FBXO34: variants seen among roughly 807,000 people sequenced by gnomAD.
FBXO34 encodes the protein F-box protein 34, also known as F-box only protein 34.
In FBXO34, 12 loss-of-function variants were observed where a neutral mutation model predicts 24.5. The ratio of observed to expected loss-of-function variants is 0.49; its 90% CI spans 0.31 to 0.79. The LOEUF is 0.79. Among genes scored for constraint, FBXO34 ranks in the 30% least tolerant of loss-of-function variants. The pLI, the probability that FBXO34 is intolerant of heterozygous loss-of-function variation, is 0.04. For synonymous variants in FBXO34, 320 were observed against 311.9 expected, an observed-to-expected ratio of 1.03 and a Z score of -0.27; for missense variants, 823 against 857.7, an observed-to-expected ratio of 0.96 and a Z score of 0.51.
At chr14:55,364,820 T>A (rs1884645280), downstream of FBXO34, among the ~76,000 whole-genome samples, 1 of 147,864 alleles carries the variant, frequency 6.8e-6, no homozygotes, top group African/African-American at 2.5e-5. Context: ...CACTGTAGCC[T>A]CAACATCCCA....
chr14:55,320,349 A>G (rs72715794), intron 1 of FBXO34, among the ~76,000 whole-genome samples: 1,701 of 152,318 alleles, frequency 0.011, 14 homozygotes, highest in Middle Eastern at 0.027. Flanking sequence ...CTCAGCCTAG[A>G]TGGGAAAGTG....
chr14:55,302,352 C>T (rs1014814667), intron 1 of FBXO34, among the ~76,000 whole-genome samples: 3 of 151,914 alleles, frequency 2.0e-5, no homozygotes, highest in African/African-American at 4.8e-5. Flanking sequence ...TAGTTTACCT[C>T]GCCTGGTTGT....
chr14:55,318,761 C>A (rs1883027635), intron 1 of FBXO34, among the ~76,000 whole-genome samples: 1 of 152,074 alleles, frequency 6.6e-6, no homozygotes, highest in Admixed American at 6.6e-5. Context: ...AGAATTGGAA[C>A]AATTAGTATT....
chr14:55,374,611 C>T (rs1566577430), downstream of FBXO34, among the ~76,000 whole-genome samples: 1 of 152,094 alleles, frequency 6.6e-6, no homozygotes, highest in African/African-American at 2.4e-5. Flanking sequence ...CCCTCACCAC[C>T]CTATCATTAT....
the FBXO34 span, among the ~76,000 whole-genome samples, chr14:55,407,815 C>T: frequency 1.3e-5 from 2 of 152,170 alleles, no homozygotes; most frequent in African/African-American, 4.8e-5. Context: ...AGGTGGGAAC[C>T]TATCTTAGTG....
intron 1 of FBXO34, among the ~76,000 whole-genome samples, chr14:55,348,071 T>A (rs1312893645): frequency 6.6e-6 from 1 of 152,132 alleles, no homozygotes; most frequent in Non-Finnish European, 1.5e-5. Flanking sequence ...CTATACAGTA[T>A]AATGATAGAA....
At chr14:55,328,178 C>T (rs1257871456) in intron 1 of FBXO34, among the ~76,000 whole-genome samples, 4 of 151,898 alleles carry the variant, frequency 2.6e-5, no homozygotes, top group East Asian at 3.9e-4. Flanking sequence ...AGGCTGGTCT[C>T]GAACTCCTGA....
downstream of FBXO34, among the ~76,000 whole-genome samples, chr14:55,355,492 T>A (rs1884507065): frequency 6.6e-6 from 1 of 152,204 alleles, no homozygotes. Flanking sequence ...AGCCTCAGAT[T>A]TAAAATACTC....
At chr14:55,325,727 G>T (rs1387190188) in intron 1 of FBXO34, 1 of 152,204 alleles carries the variant, frequency 6.6e-6, no homozygotes, top group Non-Finnish European at 1.5e-5. Flanking sequence ...CGCCCACCTC[G>T]GCCTCCCAGA....
the FBXO34 span, among the ~76,000 whole-genome samples, chr14:55,397,943 CTTTTTTTTTT>C: frequency 4.7e-5 from 5 of 105,558 alleles, no homozygotes; most frequent in Non-Finnish European, 7.4e-5. Flanking sequence ...TGCAGTAATT[CTTTTTTTTTT>C]TTTTTTTTTT....
Position 55,276,863 on chromosome 14 carries a change from G to A in FBXO34, c.-11+5326G>A, listed in dbSNP as rs1881363269. Among the ~76,000 whole-genome samples the A allele has an allele frequency of 5.3e-5, 8 of 152,148 alleles. No individual in the cohort carries two copies. In the South Asian group the frequency reaches 1.7e-3, roughly 31 times the overall value. On this transcript the variant is annotated intron_variant, in intron 1 of 1. Coordinates refer to ENST00000313833, the MANE Select transcript of FBXO34 (RefSeq NM_017943.4). ...TTAATTGCATTCTTGGATGTGCTGG[G>A]AGTCAGCTTGCACAAGTAAAGTCCT... is the stretch of plus-strand genomic sequence containing the variant.
chr14:55,276,630 T>G (rs1454880722), intron 1 of FBXO34, among the ~76,000 whole-genome samples: 1 of 151,942 alleles, frequency 6.6e-6, no homozygotes, highest in Admixed American at 6.6e-5. Context: ...ATATCTTGGT[T>G]GAGGAAGCGG....
At chr14:55,411,691 C>A in the FBXO34 span, 1 of 1,613,130 alleles carries the variant, frequency 6.2e-7, no homozygotes, top group Admixed American at 1.7e-5. Flanking sequence ...TGTTGCACAG[C>A]GGGCAGCGCT....
the FBXO34 span, among the ~76,000 whole-genome samples, chr14:55,402,927 ATATATATATATAT>A: frequency 4.5e-4 from 4 of 8,920 alleles, no homozygotes; most frequent in African/African-American, 2.0e-3. Flanking sequence ...AAAAAAAAAA[ATATATATATATAT>A]ATATATATAT....
the FBXO34 span, among the ~76,000 whole-genome samples, chr14:55,403,002 C>A: frequency 3.7e-4 from 44 of 118,694 alleles, no homozygotes; most frequent in South Asian, 1.3e-3. Flanking sequence ...TGGCTACAGT[C>A]CTAACTTCTC....
chr14:55,412,128 A>G, the FBXO34 span, among the ~76,000 whole-genome samples: 1 of 152,206 alleles, frequency 6.6e-6, no homozygotes, highest in Non-Finnish European at 1.5e-5. Flanking sequence ...ACCATACCCT[A>G]AGGATTCTGG....
intron 1 of FBXO34, among the ~76,000 whole-genome samples, chr14:55,316,534 C>T: frequency 6.7e-6 from 1 of 149,256 alleles, no homozygotes. Context: ...TGAGACCAGC[C>T]TGGGCAACAT....
At chr14:55,434,648 C>G in the FBXO34 span, among the ~76,000 whole-genome samples, 1 of 152,278 alleles carries the variant, frequency 6.6e-6, no homozygotes, top group South Asian at 2.1e-4. Context: ...ATCACAGCTG[C>G]AGCTGTGAGG....
At chr14:55,342,428 T>G (rs1015460959) in intron 1 of FBXO34, among the ~76,000 whole-genome samples, 7 of 152,170 alleles carry the variant, frequency 4.6e-5, no homozygotes, top group Non-Finnish European at 1.0e-4. Context: ...TTAGAGAATA[T>G]TCCCTAAAAA....
Sources: allele counts gnomAD v4.1 joint callset (sites outside exome capture counted in the v4.1 genomes callset), GRCh38; gene constraint gnomAD v4.1.1; transcripts MANE v1.5; gene names NCBI Gene and HGNC (gene_info 2026-07-23, HGNC 2026-07-21).